The following TESPA1 variants were observed in gnomAD, a reference collection of about 807,000 sequenced individuals.
TESPA1 encodes the protein thymocyte expressed, positive selection associated 1, also known as protein TESPA1.
A neutral mutation model predicts 57.9 loss-of-function variants in TESPA1; 33 were observed. That is an observed-to-expected ratio of 0.57 (90% CI 0.43 to 0.76). TESPA1 has a LOEUF of 0.76. TESPA1 is among the 30% of genes least tolerant of loss of function. The probability of loss-of-function intolerance (pLI) is 0.00; values close to 1 mark genes in which losing one functional copy is unlikely to be tolerated. For synonymous variants in TESPA1, 227 were observed against 228.9 expected (o/e 0.99, Z 0.07); for missense variants, 618 against 632.9 (o/e 0.98, Z 0.25).
chr12:54,974,403 C>G lies in TESPA1; in HGVS notation c.160G>C (p.Glu54Gln). 1 of 1,603,028 alleles carries G rather than the reference C, an allele frequency of 6.2e-7. No individual in the cohort carries two copies. The highest frequency in any genetic ancestry group is 8.5e-7 in the Non-Finnish European group (1 of 1,175,136). ...EPSSLDDVFQ[E>Q]GNPINKIEDW... ...CTGTCTGATGTTCGTCTCTTACCTT[C>G]TTGGAAAACGTCATCCAGGCTGGAA... Residue 54 changes from glutamate to glutamine, a missense_variant, in exon 2 of 11, where the codon GAA becomes CAA. Around this residue, in one of 3 missense-constraint regions of TESPA1, gnomAD observed 199 missense variants for 184.0 expected, o/e 1.08. Transcript: ENST00000449076.
At chr12:54,980,807 C>A (rs1246567647) in intron 1 of TESPA1, among the ~76,000 whole-genome samples, 1 of 152,126 alleles carries the variant, frequency 6.6e-6, no homozygotes, top group African/African-American at 2.4e-5. Context: ...CTTTAAAGTT[C>A]AGAGTGTTAT....
At chr12:54,965,441 T>C (rs554845109) in intron 7 of TESPA1, among the ~76,000 whole-genome samples, 1 of 152,244 alleles carries the variant, frequency 6.6e-6, no homozygotes, top group African/African-American at 2.4e-5. Flanking sequence ...TGAAAACATG[T>C]GGTGTTTGGT....
intron 3 of TESPA1, among the ~76,000 whole-genome samples, chr12:54,970,921 C>T (rs1399763086): frequency 6.6e-6 from 1 of 152,174 alleles, no homozygotes; most frequent in African/African-American, 2.4e-5. Context: ...TTTTGGGCTC[C>T]CAACCCCACC....
intron 10 of TESPA1, 79 bp downstream of exon 10, chr12:54,961,089 G>A: frequency 6.7e-7 from 1 of 1,500,162 alleles, no homozygotes; most frequent in South Asian, 1.2e-5. Flanking sequence ...TTTATTATGG[G>A]TTTAAAAAAA....
At chr12:54,963,610 TA>T in intron 8 of TESPA1, 131 bp downstream of exon 8, 1 of 1,012,134 alleles carries the variant, frequency 9.9e-7, no homozygotes, top group Non-Finnish European at 1.4e-6. Flanking sequence ...GAAGACAACA[TA>T]AGAGGAAATA....
chr12:54,969,021 G>GTGTGTGTGTATATATATA (rs370590552), intron 3 of TESPA1, among the ~76,000 whole-genome samples: 6 of 83,666 alleles, frequency 7.2e-5, no homozygotes, highest in African/African-American at 1.8e-4. Context: ...ATTTATATAT[G>GTGTGTGTGTATATATATA]TATATATATA....
rs1175301942 is a variant in TESPA1 at position 54,984,588 on chromosome 12, T to G, written c.-49A>C. Reference sequence around the variant, plus strand: ...CTGAGATAAAGGCTGTGCTTACCTGTCTGCTGGTAGAAAGCTGAGTTTGAG... The same window carrying G: ...CTGAGATAAAGGCTGTGCTTACCTGGCTGCTGGTAGAAAGCTGAGTTTGAG... On this transcript the variant is annotated 5_prime_UTR_variant, in exon 1 of 11. Coordinates refer to ENST00000449076, the MANE Select transcript of TESPA1 (RefSeq NM_001136030.3). 6.6e-6 allele frequency: 1 copy of G among 152,268 alleles called. No homozygotes were observed. The highest frequency in any genetic ancestry group is 1.5e-5 in the Non-Finnish European group (1 of 68,078). The allele number at this position is 152,268 out of a possible 1,614,324, so 9.4% of individuals were successfully genotyped here. A position where few individuals can be genotyped will look rare whatever the true frequency, so the allele number is the denominator to read the frequency against.
At chr12:54,953,516 T>G (rs1478613783) in intron 10 of TESPA1, among the ~76,000 whole-genome samples, 4 of 144,682 alleles carry the variant, frequency 2.8e-5, no homozygotes, top group Admixed American at 2.1e-4. Flanking sequence ...CATCTTTTTT[T>G]ATTTACTTTT....
At chr12:54,971,395 T>C (rs1951822099) in intron 3 of TESPA1, among the ~76,000 whole-genome samples, 1 of 152,258 alleles carries the variant, frequency 6.6e-6, no homozygotes, top group Non-Finnish European at 1.5e-5. Flanking sequence ...AAGTCAAGTG[T>C]ACTCTCACTA....
intron 10 of TESPA1, among the ~76,000 whole-genome samples, chr12:54,956,568 T>G (rs1171130253): frequency 1.3e-5 from 2 of 152,124 alleles, no homozygotes; most frequent in Non-Finnish European, 2.9e-5. Flanking sequence ...TCTCAGGAAC[T>G]TGGAGGAAGA....
rs762693782 is a variant in TESPA1, at chr12:54,963,099, T to C, written c.799A>G (p.Ile267Val). Reference sequence around the variant, plus strand: ...TCAGGCTCTCGGGACAGAATCCTGATGGATGGCACATCAGTTGGATGGTTG... The same window carrying C: ...TCAGGCTCTCGGGACAGAATCCTGACGGATGGCACATCAGTTGGATGGTTG... ...NCNHPTDVPS[I>V]RILSREPEPQ... Residue 267 changes from isoleucine to valine, a missense_variant, in exon 9 of 11, where the codon ATC becomes GTC. Ile to Val is a conservative substitution (Grantham distance 29). Transcript: ENST00000449076. 6.8e-6 allele frequency: 11 copies of C among 1,613,834 alleles called. No individual in the cohort carries two copies. The African/African-American group carries it at 1.3e-4, about 20-fold the overall frequency.
rs753489012 is a variant in TESPA1, at chr12:54,966,210, G to A, written c.348-59C>T. 46 of 1,564,058 alleles carry A rather than the reference G, an allele frequency of 2.9e-5. No homozygotes were observed. The African/African-American group carries it at 5.4e-4, about 18-fold the overall frequency. ...TGTTTCCAGTCTGCACCCTGGCTTC[G>A]AGGAATCCCTGCTGGACTTATTCAC... is the stretch of plus-strand genomic sequence containing the variant. On this transcript the variant is annotated intron_variant, in intron 6 of 10. Coordinates refer to ENST00000449076, the MANE Select transcript of TESPA1 (RefSeq NM_001136030.3).
intron 3 of TESPA1, among the ~76,000 whole-genome samples, chr12:54,973,255 C>T (rs1267795750): frequency 1.3e-5 from 2 of 152,190 alleles, no homozygotes; most frequent in South Asian, 2.1e-4. Flanking sequence ...TCCTAGACCT[C>T]GTGCCTAATT....
At chr12:54,951,421 C>T (rs777478130) in intron 10 of TESPA1, among the ~76,000 whole-genome samples, 1 of 152,192 alleles carries the variant, frequency 6.6e-6, no homozygotes, top group Admixed American at 6.5e-5. Context: ...TAGGTCCTTA[C>T]AGCAATGTGA....
At chr12:54,951,592 A>G (rs947149806) in intron 10 of TESPA1, among the ~76,000 whole-genome samples, 36 of 152,086 alleles carry the variant, frequency 2.4e-4, no homozygotes, top group African/African-American at 8.2e-4. Flanking sequence ...CACTTTTCAT[A>G]TTAATATTTT....
rs1951990987 is a variant in TESPA1, at chr12:54,973,716, T to G, written c.164-197A>C. The G allele has an allele frequency of 2.2e-6, 3 of 1,342,928 alleles. No homozygotes were observed. In the Admixed American group the frequency reaches 1.0e-4, roughly 45 times the overall value. 83.2% of individuals were successfully genotyped at this position (1,342,928 alleles called of 1,614,324 possible). On this transcript the variant is annotated intron_variant, in intron 2 of 10. Transcript: ENST00000449076. ...TAGATATTTCTTCTCTCTCTCTGCT[T>G]CTTTTCTCCCTTCCTCCCAAGAACC...
intron 1 of TESPA1, among the ~76,000 whole-genome samples, chr12:54,982,723 G>A (rs1952365144): frequency 6.6e-6 from 1 of 152,224 alleles, no homozygotes; most frequent in South Asian, 2.1e-4. Flanking sequence ...TAGGGAGAAT[G>A]AGCAGATTTC....
At chr12:54,983,244 T>C (rs1640649819) in intron 1 of TESPA1, among the ~76,000 whole-genome samples, 1 of 152,158 alleles carries the variant, frequency 6.6e-6, no homozygotes, top group South Asian at 2.1e-4. Context: ...TATGAGAACA[T>C]GTTGGTAGCG....
Position 54,962,457 on chromosome 12 carries a change from G to T in TESPA1, c.1441C>A (p.Pro481Thr). 1 of 1,611,818 alleles carries T rather than the reference G, an allele frequency of 6.2e-7. No individual in the cohort carries two copies. The highest frequency in any genetic ancestry group is 1.3e-5 in the African/African-American group (1 of 74,960). ...TCCTCCAAGTCAAAAGTGTCCTGTG[G>T]CTGCTGGCTTAAAGACCGACGCAGT... ...PELRRSLSQQ[P>T]QDTFDLEEVQ... The change falls in exon 9 of 11, where the codon CCA becomes ACA. Residue 481 changes from proline to threonine, a missense_variant. Pro to Thr is a conservative substitution (Grantham distance 38). Transcript: ENST00000449076.
Sources: gnomAD v4.1 joint callset for allele counts (sites outside exome capture counted in the v4.1 genomes callset) on GRCh38, gnomAD v4.1.1 for gene constraint, gnomAD v4.1.1 regional missense constraint, MANE v1.5 for transcripts, NCBI Gene and HGNC (gene_info 2026-07-23, HGNC 2026-07-21) for gene names.